Variants in ANK3 observed in about 807,000 individuals in gnomAD.
ANK3 encodes the protein ankyrin 3.
Under a neutral mutation model 370.9 loss-of-function variants are expected in ANK3, and 57 were observed. That is an observed-to-expected ratio of 0.15 (90% CI 0.12 to 0.19). The LOEUF is 0.19. Among genes scored for constraint, ANK3 ranks in the 10% least tolerant of loss-of-function variants. ANK3 has a pLI of 1.00. For synonymous variants in ANK3, 1,929 were observed against 1,946.3 expected (o/e 0.99, Z 0.23); for missense variants, 4,439 against 5,302.1 (o/e 0.84, Z 5.06).
chr10:60,570,864 C>T (rs775175356), intron 2 of ANK3, among the ~76,000 whole-genome samples: 2 of 151,970 alleles, frequency 1.3e-5, no homozygotes, highest in African/African-American at 2.4e-5. Context: ...AAAAAAAGCC[C>T]GTGTTAAAGG....
intron 1 of ANK3, chr10:60,685,282 T>G: frequency 4.6e-6 from 1 of 217,660 alleles, no homozygotes; most frequent in Non-Finnish European, 1.0e-5. Context: ...CTTCTCCCTA[T>G]CCCACAAATC....
intron 2 of ANK3, among the ~76,000 whole-genome samples, chr10:60,454,527 T>C (rs765465965): frequency 1.8e-4 from 27 of 151,948 alleles, no homozygotes; most frequent in Non-Finnish European, 3.2e-4. Context: ...TCCTTTACAA[T>C]AGGGAAGAAG....
intron 7 of ANK3, among the ~76,000 whole-genome samples, chr10:60,252,576 C>T (rs1161756202): frequency 6.6e-6 from 1 of 152,102 alleles, no homozygotes; most frequent in Non-Finnish European, 1.5e-5. Context: ...TAGAGCAGCA[C>T]CCCAGGCGGC....
At chr10:60,260,355 A>G (rs189929867) in intron 7 of ANK3, among the ~76,000 whole-genome samples, 53 of 152,320 alleles carry the variant, frequency 3.5e-4, no homozygotes, top group African/African-American at 1.3e-3. Flanking sequence ...GTCAGGAAAG[A>G]CTTCAGAAAT....
At chr10:60,659,376 T>C (rs889050979) in intron 1 of ANK3, among the ~76,000 whole-genome samples, 3 of 152,156 alleles carry the variant, frequency 2.0e-5, no homozygotes, top group African/African-American at 7.2e-5. Context: ...CTTTTCCAGT[T>C]TCTTTTCTAG....
At chr10:60,141,516 C>T (rs202215625) in intron 23 of ANK3, among the ~76,000 whole-genome samples, 2 of 150,362 alleles carry the variant, frequency 1.3e-5, no homozygotes, top group East Asian at 3.9e-4. Flanking sequence ...AGCAGGACTT[C>T]CCCATCTTCC....
intron 1 of ANK3, among the ~76,000 whole-genome samples, chr10:60,709,145 T>C (rs1413338867): frequency 6.6e-6 from 1 of 152,090 alleles, no homozygotes; most frequent in African/African-American, 2.4e-5. Context: ...TGAAGAGACA[T>C]AGCAAGCATC....
In ANK3 at chr10:60,288,889, A is replaced by AACACACACACACACACACAC. The variant is rs35560146; in HGVS notation, c.115-9270_115-9251dup. ...CCTCAAGGATCTCCCAGGTAGGAAT[A>AACACACACACACACACACAC]ACACACACACACACACACACACACA... On this transcript the variant is annotated intron_variant, in intron 1 of 43. Transcript: ENST00000280772. Among the ~76,000 whole-genome samples, 560 of 139,298 alleles carry AACACACACACACACACACAC rather than the reference A, an allele frequency of 4.0e-3. 7 individuals carry two copies. Among genetic ancestry groups the AACACACACACACACACACAC allele is most frequent in the African/African-American group, 0.014 (507 of 36,498 alleles). 91.4% of individuals were successfully genotyped at this position (139,298 alleles called of 152,430 possible).
At chr10:60,120,141 A>C (rs1226466393) in intron 25 of ANK3, among the ~76,000 whole-genome samples, 2 of 152,188 alleles carry the variant, frequency 1.3e-5, no homozygotes, top group Non-Finnish European at 2.9e-5. Flanking sequence ...CACAATATAG[A>C]ACCCAGAGAT....
chr10:60,089,495 G>A (rs867991278), intron 28 of ANK3, among the ~76,000 whole-genome samples: 1 of 140,968 alleles, frequency 7.1e-6, no homozygotes, highest in African/African-American at 2.9e-5. Flanking sequence ...GTGTGTGTGT[G>A]TGTGTGTGTG....
chr10:60,148,395 A>G (rs1336537597), intron 23 of ANK3, among the ~76,000 whole-genome samples: 3 of 152,194 alleles, frequency 2.0e-5, no homozygotes, highest in Non-Finnish European at 2.9e-5. Flanking sequence ...TGAGTCATGC[A>G]TGCTTACTTT....
chr10:60,500,235 T>C (rs2075763075), intron 2 of ANK3, among the ~76,000 whole-genome samples: 1 of 152,148 alleles, frequency 6.6e-6, no homozygotes, highest in Non-Finnish European at 1.5e-5. Context: ...CAAATCGGCC[T>C]TACTAACTAA....
intron 1 of ANK3, among the ~76,000 whole-genome samples, chr10:60,635,297 T>C (rs1193320211): frequency 2.6e-5 from 4 of 152,230 alleles, no homozygotes; most frequent in East Asian, 1.9e-4. Context: ...TCAGATTTAA[T>C]ATCTACTGAT....
chr10:60,592,638 C>T (rs1376274954), intron 2 of ANK3, among the ~76,000 whole-genome samples: 3 of 152,158 alleles, frequency 2.0e-5, no homozygotes, highest in African/African-American at 7.2e-5. Flanking sequence ...GTGGCAGTCA[C>T]CTGTAATCCC....
At chr10:60,245,187 A>AC (rs1029532338) in intron 7 of ANK3, among the ~76,000 whole-genome samples, 2 of 152,170 alleles carry the variant, frequency 1.3e-5, no homozygotes, top group African/African-American at 4.8e-5. Flanking sequence ...AAAACAAAAA[A>AC]AAAACCAGTC....
At chr10:60,316,558 T>G (rs1192347737) in intron 1 of ANK3, among the ~76,000 whole-genome samples, 1 of 152,142 alleles carries the variant, frequency 6.6e-6, no homozygotes, top group African/African-American at 2.4e-5. Context: ...ATATATACAA[T>G]GAGGTTAATT....
intron 1 of ANK3, among the ~76,000 whole-genome samples, chr10:60,723,791 A>T (rs1011212489): frequency 6.6e-6 from 1 of 152,152 alleles, no homozygotes; most frequent in Non-Finnish European, 1.5e-5. Flanking sequence ...TCAGAATTAC[A>T]AACAGTGAGT....
intron 7 of ANK3, among the ~76,000 whole-genome samples, chr10:60,252,178 A>G (rs72820475): frequency 0.019 from 2,959 of 152,280 alleles, 37 homozygotes; most frequent in South Asian, 0.036. Context: ...TCTACACTCT[A>G]GGTACCCCTT....
chr10:60,213,462 C>T lies in ANK3; in HGVS notation c.946G>A (p.Val316Met). The change falls in exon 9 of 44, where the codon GTG becomes ATG. Residue 316 changes from valine (V) to methionine (M), a missense_variant. Val to Met is a conservative substitution (Grantham distance 21). This residue lies in a region of ANK3 where 227 missense variants were observed against 377.6 expected (regional missense o/e 0.60). Coordinates refer to ENST00000280772, the MANE Select transcript of ANK3 (RefSeq NM_020987.5). ...GCTCGATCAAGCAACATTTCTACCA[C>T]CTGCTCGTGGCCACTCCTTGCTCCA... Reference protein sequence around the residue: ...HCGARSGHEQVVEMLLDRAAP... With the variant: ...HCGARSGHEQMVEMLLDRAAP... 1 of 1,612,724 alleles carries T rather than the reference C, an allele frequency of 6.2e-7. No individual in the cohort carries two copies. Among genetic ancestry groups the T allele is most frequent in the Non-Finnish European group, 8.5e-7 (1 of 1,179,256 alleles).
Sources: allele counts gnomAD v4.1 joint callset (sites outside exome capture counted in the v4.1 genomes callset), GRCh38; gene constraint gnomAD v4.1.1; regional missense constraint gnomAD v4.1.1; transcripts MANE v1.5; gene names NCBI Gene and HGNC (gene_info 2026-07-23, HGNC 2026-07-21).